Variants in DNM3 observed in about 807,000 individuals in gnomAD.
DNM3 encodes dynamin-3.
DNM3 carries 47 observed loss-of-function variants against 101.6 expected under a neutral mutation model. The ratio of observed to expected loss-of-function variants is 0.46; its 90% CI spans 0.37 to 0.59. The LOEUF (loss-of-function observed/expected upper bound fraction) is 0.59. Ranked by LOEUF, DNM3 falls within the 20% of genes least tolerant of loss-of-function variation. The pLI, the probability that DNM3 is intolerant of heterozygous loss-of-function variation, is 0.00. For missense variants in DNM3, 849 were observed against 1,085.7 expected (o/e 0.78, Z 3.06); for synonymous variants, 385 against 387.9 (o/e 0.99, Z 0.09).
At chr1:171,888,736 G>A (rs2036996526) in intron 1 of DNM3, among the ~76,000 whole-genome samples, 1 of 152,130 alleles carries the variant, frequency 6.6e-6, no homozygotes, top group African/African-American at 2.4e-5. Flanking sequence ...GGGGAGAATT[G>A]CAATTCTATA....
At chr1:171,996,900 C>T (rs964755215) in intron 4 of DNM3, among the ~76,000 whole-genome samples, 9 of 151,828 alleles carry the variant, frequency 5.9e-5, no homozygotes, top group African/African-American at 2.2e-4. Flanking sequence ...GATGTGGTGG[C>T]GCATGCCTGT....
At chr1:171,983,373 A>T (rs879325486) in intron 2 of DNM3, among the ~76,000 whole-genome samples, 87 of 84,940 alleles carry the variant, frequency 1.0e-3, no homozygotes, top group African/African-American at 3.1e-3. Context: ...TGGGAGGATC[A>T]CTTGAGCCCA....
At chr1:172,097,471 T>C (rs189422189) in intron 13 of DNM3, among the ~76,000 whole-genome samples, 31 of 152,158 alleles carry the variant, frequency 2.0e-4, no homozygotes, top group Admixed American at 3.9e-4. Context: ...GGAGATATCA[T>C]TGGGGTTTGA....
intron 2 of DNM3, among the ~76,000 whole-genome samples, chr1:171,964,145 C>T (rs2043407838): frequency 6.6e-6 from 1 of 152,126 alleles, no homozygotes; most frequent in South Asian, 2.1e-4. Flanking sequence ...TGAAATGGCC[C>T]TGCAAAGCTG....
At position 172,411,773 on chromosome 1, in the gene DNM3, G is replaced by A. The variant is rs2071221701; in HGVS notation, c.*3932G>A. Reference sequence around the variant, plus strand: ...TGTTGAACTCATGAAAGAAGATAGTGTATGAGACTTAAGCCATGAGTTTTG... The same window carrying A: ...TGTTGAACTCATGAAAGAAGATAGTATATGAGACTTAAGCCATGAGTTTTG... On this transcript the variant is annotated 3_prime_UTR_variant, in exon 21 of 21. Coordinates refer to ENST00000627582, the MANE Select transcript of DNM3 (RefSeq NM_015569.5). 1.0e-6 allele frequency: 1 copy of A among 985,508 alleles called. No individual in the cohort carries two copies. Among genetic ancestry groups the A allele is most frequent in the Non-Finnish European group, 1.2e-6 (1 of 829,834 alleles). The allele number at this position is 985,508 out of a possible 1,614,324, so 61.0% of individuals were successfully genotyped here.
At chr1:172,204,282 C>A (rs2060253340) in intron 14 of DNM3, among the ~76,000 whole-genome samples, 1 of 105,660 alleles carries the variant, frequency 9.5e-6, no homozygotes, top group African/African-American at 6.6e-5. Flanking sequence ...TAAACTGATA[C>A]AAGCAGTGCA....
intron 1 of DNM3, among the ~76,000 whole-genome samples, chr1:171,891,793 C>G (rs958989955): frequency 6.6e-6 from 1 of 152,196 alleles, no homozygotes; most frequent in Non-Finnish European, 1.5e-5. Context: ...CTGTTAGTGA[C>G]TTAGCACTGT....
chr1:172,239,059 G>A (rs1425257600), intron 14 of DNM3, among the ~76,000 whole-genome samples: 1 of 152,124 alleles, frequency 6.6e-6, no homozygotes, highest in Non-Finnish European at 1.5e-5. Context: ...CCCCCTCTCA[G>A]CCTGTAGTCA....
intron 1 of DNM3, among the ~76,000 whole-genome samples, chr1:171,896,693 T>C (rs913844257): frequency 6.6e-6 from 1 of 152,172 alleles, no homozygotes; most frequent in Non-Finnish European, 1.5e-5. Context: ...TACATAGTTA[T>C]ATTTTTATTT....
chr1:171,866,531 T>C (rs2034763948), intron 1 of DNM3, among the ~76,000 whole-genome samples: 1 of 152,078 alleles, frequency 6.6e-6, no homozygotes, highest in Non-Finnish European at 1.5e-5. Context: ...ACCAACTACT[T>C]TGGTTCCAAA....
intron 17 of DNM3, among the ~76,000 whole-genome samples, chr1:172,347,198 C>CA (rs1159113543): frequency 6.8e-6 from 1 of 146,890 alleles, no homozygotes; most frequent in Non-Finnish European, 1.5e-5. Flanking sequence ...GCAGAAGCCC[C>CA]CCCCGCCAAA....
chr1:172,051,309 C>T lies in DNM3; in HGVS notation c.1335+2559C>T, dbSNP rs115285272. 6.8e-3 allele frequency among the ~76,000 whole-genome samples: 1,028 copies of T among 152,232 alleles called. 10 individuals carry two copies. The highest frequency in any genetic ancestry group is 0.023 in the African/African-American group (958 of 41,532). On this transcript the variant is annotated intron_variant, in intron 10 of 20. Coordinates refer to ENST00000627582, the MANE Select transcript of DNM3 (RefSeq NM_015569.5). ...ACCTGTTCCTTATATTCACTGTCAC[C>T]ACCAAGTTCCAGGTCACTCCCTTGC...
Position 171,989,156 on chromosome 1 carries a change from T to G in DNM3, c.589+8T>G. 6.2e-7 allele frequency: 1 copy of G among 1,611,562 alleles called. No homozygotes were observed. Among genetic ancestry groups the G allele is most frequent in the Non-Finnish European group, 8.5e-7 (1 of 1,178,542 alleles). ...AAGAAGTTGATCCTCAAGGTGAGTG[T>G]GTGACTACTAAGATGAGAAGGAATT... On this transcript the variant is annotated splice_region_variant and intron_variant, in intron 4 of 20. Coordinates refer to ENST00000627582, the MANE Select transcript of DNM3 (RefSeq NM_015569.5).
chr1:171,883,303 A>G (rs7513809), intron 1 of DNM3, among the ~76,000 whole-genome samples: 63,941 of 150,082 alleles, frequency 0.43, 13,781 homozygotes, highest in African/African-American at 0.44. Flanking sequence ...TTAATGCTAG[A>G]GGTTTGAGAT....
chr1:172,391,728 T>G (rs944809170), intron 20 of DNM3, among the ~76,000 whole-genome samples: 10 of 151,978 alleles, frequency 6.6e-5, no homozygotes, highest in African/African-American at 2.4e-4. Context: ...TTTTTTCAAG[T>G]TTTTTACTTT....
intron 18 of DNM3, among the ~76,000 whole-genome samples, chr1:172,382,912 T>C (rs888475656): frequency 6.6e-6 from 1 of 152,144 alleles, no homozygotes; most frequent in African/African-American, 2.4e-5. Flanking sequence ...AGGTCCACAT[T>C]TACTCTCCTT....
intron 14 of DNM3, among the ~76,000 whole-genome samples, chr1:172,229,486 C>T (rs1036453257): frequency 6.6e-6 from 1 of 152,114 alleles, no homozygotes; most frequent in African/African-American, 2.4e-5. Flanking sequence ...GACACATGCC[C>T]AGCTAAAGCA....
rs905511323 is a variant in DNM3, at chr1:172,073,389, A to T, written c.1422+4484A>T. Among the ~76,000 whole-genome samples the T allele has an allele frequency of 2.6e-5, 4 of 152,262 alleles. No individual in the cohort carries two copies. In the South Asian group the frequency reaches 8.3e-4, roughly 32 times the overall value. On this transcript the variant is annotated intron_variant, in intron 11 of 20. Coordinates refer to ENST00000627582, the MANE Select transcript of DNM3 (RefSeq NM_015569.5). ...TACATATTGAAACATATATATGCAT[A>T]TAGGTATATATGTGTATATAGCACC...
At chr1:172,387,864 C>T (rs1249335377) in intron 19 of DNM3, among the ~76,000 whole-genome samples, 1 of 152,040 alleles carries the variant, frequency 6.6e-6, no homozygotes, top group African/African-American at 2.4e-5. Flanking sequence ...GTTATATAGT[C>T]ACTAAAAAGA....
Sources: allele counts gnomAD v4.1 joint callset (sites outside exome capture counted in the v4.1 genomes callset), GRCh38; gene constraint gnomAD v4.1.1; transcripts MANE v1.5; gene names NCBI Gene and HGNC (gene_info 2026-07-23, HGNC 2026-07-21).